Variants in MAPK10 observed in about 807,000 individuals in gnomAD.
The protein encoded by MAPK10 is mitogen-activated protein kinase 10.
A neutral mutation model predicts 59.3 loss-of-function variants in MAPK10; 25 were observed. That is an observed-to-expected ratio of 0.42 (90% CI 0.31 to 0.59). MAPK10 has a LOEUF of 0.59. MAPK10 is among the 20% of genes least tolerant of loss of function. The probability of loss-of-function intolerance (pLI) is 0.15; values close to 1 mark genes in which losing one functional copy is unlikely to be tolerated. For missense variants in MAPK10, 351 were observed against 568.9 expected (o/e 0.62, Z 3.90); for synonymous variants, 190 against 200.5 (o/e 0.95, Z 0.44).
At chr4:86,360,127 ACGTCAAAGCC>A (rs1736618565), upstream of MAPK10, 1 of 985,822 alleles carries the variant, frequency 1.0e-6, no homozygotes, top group Admixed American at 6.2e-5. Flanking sequence ...AGCACACATG[ACGTCAAAGCC>A]CAGAGAGGTC....
intron 3 of MAPK10, among the ~76,000 whole-genome samples, chr4:86,180,920 A>G (rs984120753): frequency 6.6e-6 from 1 of 152,062 alleles, no homozygotes; most frequent in Non-Finnish European, 1.5e-5. Flanking sequence ...AGAATAAAAT[A>G]CGGTGTTCTA....
intron 1 of MAPK10, among the ~76,000 whole-genome samples, chr4:86,529,436 A>C (rs1757706067): frequency 6.6e-6 from 1 of 152,136 alleles, no homozygotes; most frequent in African/African-American, 2.4e-5. Context: ...GAAAGGCCCC[A>C]CTCATGCCTT....
chr4:86,203,203 C>A (rs2083037983), intron 2 of MAPK10, among the ~76,000 whole-genome samples: 1 of 151,918 alleles, frequency 6.6e-6, no homozygotes, highest in Non-Finnish European at 1.5e-5. Flanking sequence ...ATGCTATACA[C>A]TGTACTGAGT....
chr4:86,477,948 G>T (rs527492063), intron 1 of MAPK10, among the ~76,000 whole-genome samples: 4 of 152,050 alleles, frequency 2.6e-5, no homozygotes, highest in Non-Finnish European at 4.4e-5. Context: ...CTGTACTGCC[G>T]CAAGGCTTCA....
At chr4:86,422,865 G>A (rs1034519363) in intron 1 of MAPK10, among the ~76,000 whole-genome samples, 8 of 152,124 alleles carry the variant, frequency 5.3e-5, no homozygotes, top group African/African-American at 1.9e-4. Context: ...AATTATATTA[G>A]GAAGCAAAAC....
chr4:86,564,458 C>T (rs1052951546), intron 1 of MAPK10, among the ~76,000 whole-genome samples: 10 of 152,168 alleles, frequency 6.6e-5, no homozygotes, highest in African/African-American at 2.4e-4. Flanking sequence ...TCCTCATTGA[C>T]ATCTTTCCCT....
At chr4:86,332,699 G>C (rs183448558) in intron 2 of MAPK10, 18 of 152,166 alleles carry the variant, frequency 1.2e-4, no homozygotes, top group Non-Finnish European at 2.4e-4. Flanking sequence ...TAATTTGGAG[G>C]TTATAACAGA....
intron 2 of MAPK10, among the ~76,000 whole-genome samples, chr4:86,215,288 GA>G (rs1189383999): frequency 2.0e-5 from 3 of 152,130 alleles, no homozygotes; most frequent in Non-Finnish European, 4.4e-5. Flanking sequence ...CTAAATGTAA[GA>G]GCAAAAACAA....
At chr4:86,439,121 T>G (rs1749122422) in intron 1 of MAPK10, among the ~76,000 whole-genome samples, 1 of 152,232 alleles carries the variant, frequency 6.6e-6, no homozygotes, top group Non-Finnish European at 1.5e-5. Context: ...TTTGCCTTTT[T>G]AATTTACCTA....
chr4:86,462,056 C>T (rs560753178), intron 1 of MAPK10, among the ~76,000 whole-genome samples: 23 of 152,306 alleles, frequency 1.5e-4, no homozygotes, highest in Non-Finnish European at 1.8e-4. Context: ...CAGGCCACTC[C>T]CTCACCCCTA....
chr4:86,224,417 G>A (rs1436395858), intron 2 of MAPK10, among the ~76,000 whole-genome samples: 2 of 152,184 alleles, frequency 1.3e-5, no homozygotes, highest in Admixed American at 6.5e-5. Context: ...GCTTAAGAAT[G>A]AGTAGAAGTG....
In MAPK10 at chr4:86,507,615, G is replaced by GATATATATAT. The variant is rs767683551; in HGVS notation, c.-263+86285_-263+86294dup. 1.9e-3 allele frequency among the ~76,000 whole-genome samples: 67 copies of GATATATATAT among 35,620 alleles called. 2 individuals carry two copies. Among genetic ancestry groups the GATATATATAT allele is most frequent in the Non-Finnish European group, 2.4e-3 (47 of 19,440 alleles). The allele number at this position is 35,620 out of a possible 152,430, so 23.4% of individuals were successfully genotyped here. A position where few individuals can be genotyped will look rare whatever the true frequency, so the allele number is the denominator to read the frequency against. ...TTACTATTAAAAAGAATAAACTGGAGATATATATATATATATATATATATA... is the reference window on the plus strand; with the variant it reads ...TTACTATTAAAAAGAATAAACTGGAGATATATATATATATATATATATATATATATATATA... On this transcript the variant is annotated intron_variant, in intron 1 of 4. Coordinates refer to the MAPK10 transcript ENST00000502302.
intron 1 of MAPK10, among the ~76,000 whole-genome samples, chr4:86,382,396 G>A (rs1740867165): frequency 6.6e-6 from 1 of 152,040 alleles, no homozygotes; most frequent in South Asian, 2.1e-4. Context: ...GTTAAATTAA[G>A]CTTTTACTTA....
intron 1 of MAPK10, among the ~76,000 whole-genome samples, chr4:86,474,796 G>A (rs1457499070): frequency 2.0e-5 from 3 of 152,178 alleles, no homozygotes; most frequent in African/African-American, 4.8e-5. Context: ...CCCAAGCTAA[G>A]CCATCATATC....
intron 3 of MAPK10, among the ~76,000 whole-genome samples, chr4:86,169,878 C>G (rs138561280): frequency 2.8e-4 from 42 of 151,956 alleles, no homozygotes; most frequent in Non-Finnish European, 5.9e-4. Flanking sequence ...GGCAGAAACC[C>G]TACAAGCCAG....
intron 1 of MAPK10, among the ~76,000 whole-genome samples, chr4:86,538,411 G>T (rs1180731280): frequency 6.6e-6 from 1 of 152,202 alleles, no homozygotes; most frequent in African/African-American, 2.4e-5. Context: ...CTCCCAAAGT[G>T]CTGGGATTAC....
chr4:86,190,268 A>G (rs1211322527), intron 3 of MAPK10, among the ~76,000 whole-genome samples: 1 of 152,168 alleles, frequency 6.6e-6, no homozygotes, highest in African/African-American at 2.4e-5. Context: ...TCATAAAATG[A>G]GTAAGGAAGG....
intron 1 of MAPK10, among the ~76,000 whole-genome samples, chr4:86,484,208 A>T (rs1753811702): frequency 6.6e-6 from 1 of 152,232 alleles, no homozygotes; most frequent in African/African-American, 2.4e-5. Flanking sequence ...TAGAAATAAC[A>T]AGAATAAATA....
intron 2 of MAPK10, among the ~76,000 whole-genome samples, chr4:86,274,234 A>G (rs940168773): frequency 3.9e-5 from 6 of 151,994 alleles, no homozygotes; most frequent in African/African-American, 1.4e-4. Flanking sequence ...TTTTACCTTT[A>G]CCATACTGGA....
Sources: allele counts gnomAD v4.1 joint callset (sites outside exome capture counted in the v4.1 genomes callset), GRCh38; gene constraint gnomAD v4.1.1; transcripts MANE v1.5; gene names NCBI Gene and HGNC (gene_info 2026-07-23, HGNC 2026-07-21).